The following ZDHHC14 variants were observed in gnomAD, a reference collection of about 807,000 sequenced individuals.
ZDHHC14 encodes palmitoyltransferase ZDHHC14.
ZDHHC14 carries 16 observed loss-of-function variants against 47.7 expected under a neutral mutation model. The observed-to-expected ratio is 0.34, with a 90% CI of 0.23 to 0.51. ZDHHC14 has a LOEUF of 0.51. Ranked by LOEUF, ZDHHC14 falls within the 20% of genes least tolerant of loss-of-function variation. ZDHHC14 has a pLI of 0.97. For synonymous variants in ZDHHC14, 293 were observed against 278.9 expected (o/e 1.05, Z -0.50); for missense variants, 515 against 662.5 (o/e 0.78, Z 2.44).
intron 1 of ZDHHC14, among the ~76,000 whole-genome samples, chr6:157,516,859 G>A (rs1036753536): frequency 1.3e-5 from 2 of 152,200 alleles, no homozygotes; most frequent in Non-Finnish European, 2.9e-5. Context: ...TCATCTTCCA[G>A]ATGAAACCTG....
At chr6:157,671,109 G>T (rs916599680) in intron 8 of ZDHHC14, among the ~76,000 whole-genome samples, 3 of 152,176 alleles carry the variant, frequency 2.0e-5, no homozygotes, top group African/African-American at 2.4e-5. Flanking sequence ...GGAAGAGGTC[G>T]GAGCACCTAA....
intron 3 of ZDHHC14, among the ~76,000 whole-genome samples, chr6:157,610,387 AGG>A (rs1252645169): frequency 6.6e-6 from 1 of 152,170 alleles, no homozygotes; most frequent in African/African-American, 2.4e-5. Flanking sequence ...AGCCGAGATC[AGG>A]CCACTGCACT....
intron 2 of ZDHHC14, among the ~76,000 whole-genome samples, chr6:157,587,829 A>G (rs996973495): frequency 1.3e-5 from 2 of 152,210 alleles, no homozygotes; most frequent in Admixed American, 1.3e-4. Context: ...AGCCATTTAA[A>G]GAAGACCAAG....
chr6:157,654,656 G>A (rs1188072239), intron 8 of ZDHHC14, among the ~76,000 whole-genome samples: 1 of 152,088 alleles, frequency 6.6e-6, no homozygotes, highest in Non-Finnish European at 1.5e-5. Context: ...CCCCAGCAGA[G>A]ATGGCTGGGG....
At chr6:157,547,156 G>A (rs1782005253) in intron 2 of ZDHHC14, among the ~76,000 whole-genome samples, 2 of 152,250 alleles carry the variant, frequency 1.3e-5, no homozygotes, top group Admixed American at 1.3e-4. Flanking sequence ...TCCCCAGGCA[G>A]AGTAGATGCA....
chr6:157,465,456 C>T (rs1057224803), intron 1 of ZDHHC14, among the ~76,000 whole-genome samples: 1 of 152,086 alleles, frequency 6.6e-6, no homozygotes, highest in African/African-American at 2.4e-5. Context: ...AAAACAATGG[C>T]CACCCCCATA....
At position 157,560,541 on chromosome 6, in the gene ZDHHC14, A is replaced by G. The variant is rs990475964; in HGVS notation, c.406+17796A>G. On this transcript the variant is annotated intron_variant, in intron 2 of 8. Coordinates refer to ENST00000359775, the MANE Select transcript of ZDHHC14 (RefSeq NM_024630.3). ...GGATCTTAATATATATAGGAATTAT[A>G]AGGAAATATAAACAAGTTTTTTTTT... is the stretch of plus-strand genomic sequence containing the variant. 6.6e-5 allele frequency among the ~76,000 whole-genome samples: 10 copies of G among 152,248 alleles called. No homozygotes were observed. The East Asian group carries it at 1.9e-3, about 29-fold the overall frequency.
At chr6:157,627,564 C>G (rs1026372276) in intron 3 of ZDHHC14, among the ~76,000 whole-genome samples, 1 of 152,206 alleles carries the variant, frequency 6.6e-6, no homozygotes, top group Non-Finnish European at 1.5e-5. Context: ...GGGGTCTGCA[C>G]TTAGGGTACC....
chr6:157,426,881 C>T (rs1778233087), intron 1 of ZDHHC14, among the ~76,000 whole-genome samples: 2 of 152,222 alleles, frequency 1.3e-5, no homozygotes, highest in Admixed American at 1.3e-4. Flanking sequence ...GAAACGGAGA[C>T]TTCATTGTAG....
intron 8 of ZDHHC14, among the ~76,000 whole-genome samples, chr6:157,662,922 G>A (rs1200435282): frequency 6.6e-6 from 1 of 152,236 alleles, no homozygotes. Context: ...ACACATGAAT[G>A]TGTTAACTTC....
intron 1 of ZDHHC14, among the ~76,000 whole-genome samples, chr6:157,483,017 C>G (rs1039391144): frequency 6.6e-6 from 1 of 152,192 alleles, no homozygotes; most frequent in Non-Finnish European, 1.5e-5. Flanking sequence ...GCTGGGATTA[C>G]AGGTGTGAGC....
At chr6:157,549,091 G>A (rs757415222) in intron 2 of ZDHHC14, among the ~76,000 whole-genome samples, 5 of 152,226 alleles carry the variant, frequency 3.3e-5, no homozygotes, top group Admixed American at 6.5e-5. Flanking sequence ...TGATATCACA[G>A]CGTGTGCTCT....
At chr6:157,643,955 G>A (rs150386366) in intron 5 of ZDHHC14, among the ~76,000 whole-genome samples, 1 of 152,152 alleles carries the variant, frequency 6.6e-6, no homozygotes, top group East Asian at 1.9e-4. Context: ...GTATTATTCA[G>A]TAAATAAATC....
chr6:157,448,533 C>G (rs1778732810), intron 1 of ZDHHC14, among the ~76,000 whole-genome samples: 1 of 152,240 alleles, frequency 6.6e-6, no homozygotes, highest in Non-Finnish European at 1.5e-5. Flanking sequence ...CTGTTATCAT[C>G]TTCCATTGAT....
chr6:157,649,089 T>G (rs1047069445), intron 7 of ZDHHC14, among the ~76,000 whole-genome samples: 1 of 152,212 alleles, frequency 6.6e-6, no homozygotes, highest in African/African-American at 2.4e-5. Context: ...GGGCTGTATC[T>G]TTTCCAAAAT....
At chr6:157,654,979 C>A (rs1370034743) in intron 8 of ZDHHC14, among the ~76,000 whole-genome samples, 1 of 152,170 alleles carries the variant, frequency 6.6e-6, no homozygotes, top group Non-Finnish European at 1.5e-5. Context: ...AGGTGATCCA[C>A]CTGCCTCGGC....
intron 1 of ZDHHC14, among the ~76,000 whole-genome samples, chr6:157,428,299 A>G (rs947304041): frequency 2.0e-5 from 3 of 152,148 alleles, no homozygotes; most frequent in Non-Finnish European, 4.4e-5. Flanking sequence ...CTCCTCTGCC[A>G]TAGAAATCCT....
intron 1 of ZDHHC14, among the ~76,000 whole-genome samples, chr6:157,383,471 C>T (rs1388288084): frequency 1.3e-5 from 2 of 152,144 alleles, no homozygotes; most frequent in Non-Finnish European, 2.9e-5. Context: ...AATTTTGTGC[C>T]TGGCTTTTGC....
chr6:157,402,703 A>G (rs1562411536), intron 1 of ZDHHC14, among the ~76,000 whole-genome samples: 1 of 152,154 alleles, frequency 6.6e-6, no homozygotes, highest in African/African-American at 2.4e-5. Flanking sequence ...GAAGATATTA[A>G]TATTCTCAGA....
Sources: gnomAD v4.1 joint callset for allele counts (sites outside exome capture counted in the v4.1 genomes callset) on GRCh38, gnomAD v4.1.1 for gene constraint, MANE v1.5 for transcripts, NCBI Gene and HGNC (gene_info 2026-07-23, HGNC 2026-07-21) for gene names.